The following SRGN variants were observed in gnomAD, a reference collection of about 807,000 sequenced individuals.
SRGN encodes serglycin, also known as hematopoetic proteoglycan core peptide.
A neutral mutation model predicts 9.5 loss-of-function variants in SRGN; 2 were observed. The observed-to-expected ratio is 0.21, with a 90% CI of 0.09 to 0.66. The LOEUF is 0.66. Ranked by LOEUF, SRGN falls within the 30% of genes least tolerant of loss-of-function variation. The pLI is 0.83. For missense variants in SRGN, 170 were observed against 192.4 expected (o/e 0.88, Z 0.69); for synonymous variants, 59 against 72.3 (o/e 0.82, Z 0.93).
intron 2 of SRGN, among the ~76,000 whole-genome samples, chr10:69,102,050 A>C (rs1027906349): frequency 6.8e-6 from 1 of 146,796 alleles, no homozygotes; most frequent in Non-Finnish European, 1.5e-5. Context: ...CCCTTTCTGT[A>C]AAAAAAAAAA....
At chr10:69,097,649 G>C (rs1051282428) in intron 2 of SRGN, among the ~76,000 whole-genome samples, 5 of 151,896 alleles carry the variant, frequency 3.3e-5, no homozygotes, top group South Asian at 2.1e-4. Context: ...GGATGGTCTC[G>C]ATCTCCTGAC....
At chr10:69,089,722 C>G (rs1010797999) in intron 1 of SRGN, among the ~76,000 whole-genome samples, 1 of 151,694 alleles carries the variant, frequency 6.6e-6, no homozygotes, top group Admixed American at 6.6e-5. Context: ...AGTGAAATCC[C>G]GTCTCTACCA....
Position 69,104,132 on chromosome 10 carries a change from C to G in SRGN, c.*12C>G, listed in dbSNP as rs1233560129. On this transcript the variant is annotated 3_prime_UTR_variant, in exon 3 of 3. Transcript: ENST00000242465. ...ATTTTATGTTATAAAAGAGGATTTT[C>G]CCACCTTGACACCAGGCAATGTAGT... The G allele has an allele frequency of 6.2e-7, 1 of 1,609,856 alleles. No homozygotes were observed. Among genetic ancestry groups the G allele is most frequent in the Admixed American group, 1.7e-5 (1 of 59,876 alleles).
At chr10:69,091,602 G>A (rs1470891225) in intron 1 of SRGN, among the ~76,000 whole-genome samples, 3 of 152,032 alleles carry the variant, frequency 2.0e-5, no homozygotes, top group South Asian at 2.1e-4. Flanking sequence ...AATTAGGCTC[G>A]GTACAGTGGC....
chr10:69,102,586 A>G (rs894136716), intron 2 of SRGN, among the ~76,000 whole-genome samples: 1 of 152,156 alleles, frequency 6.6e-6, no homozygotes, highest in Non-Finnish European at 1.5e-5. Context: ...GTAGGCTGTG[A>G]CACTCAGCTT....
At chr10:69,092,460 G>A (rs1023111598) in intron 1 of SRGN, among the ~76,000 whole-genome samples, 2 of 152,110 alleles carry the variant, frequency 1.3e-5, no homozygotes, top group African/African-American at 2.4e-5. Flanking sequence ...TGTTGAGATA[G>A]TGTTCACATA....
At chr10:69,101,335 C>T (rs1176207252) in intron 2 of SRGN, among the ~76,000 whole-genome samples, 8 of 152,162 alleles carry the variant, frequency 5.3e-5, no homozygotes, top group South Asian at 2.1e-4. Flanking sequence ...TTCACTTCTC[C>T]TCCATCACCT....
At chr10:69,099,179 G>T (rs1017335443) in intron 2 of SRGN, among the ~76,000 whole-genome samples, 3 of 151,988 alleles carry the variant, frequency 2.0e-5, no homozygotes, top group African/African-American at 7.3e-5. Context: ...TTAAGAAAAG[G>T]ATTATCATAA....
intron 1 of SRGN, among the ~76,000 whole-genome samples, chr10:69,088,556 G>C (rs182583298): frequency 6.6e-6 from 1 of 152,304 alleles, no homozygotes. Context: ...CTGTTGCATG[G>C]AGGAGATGGC....
intron 1 of SRGN, among the ~76,000 whole-genome samples, chr10:69,091,879 CAA>C (rs1177012248): frequency 0.018 from 578 of 31,664 alleles, 1 homozygote; most frequent in Non-Finnish European, 0.018. Flanking sequence ...GACTCTGTCT[CAA>C]AAAAAAAAAA....
At chr10:69,092,419 T>C (rs898553607) in intron 1 of SRGN, among the ~76,000 whole-genome samples, 3 of 152,182 alleles carry the variant, frequency 2.0e-5, no homozygotes, top group Non-Finnish European at 2.9e-5. Context: ...CCTTCTACTT[T>C]TGATTTCTTT....
chr10:69,103,702 G>GT (rs1403064023), intron 2 of SRGN, among the ~76,000 whole-genome samples, 169 bp from the exon 3 acceptor site: 1 of 152,062 alleles, frequency 6.6e-6, no homozygotes, highest in Non-Finnish European at 1.5e-5. Flanking sequence ...CATTTGACCT[G>GT]TTTTTTTGTT....
At chr10:69,103,039 A>C (rs1840322937) in intron 2 of SRGN, among the ~76,000 whole-genome samples, 1 of 151,966 alleles carries the variant, frequency 6.6e-6, no homozygotes, top group South Asian at 2.1e-4. Flanking sequence ...TCCTGGGTTC[A>C]AGCGATTCTC....
intron 2 of SRGN, among the ~76,000 whole-genome samples, chr10:69,097,571 C>T (rs968449942): frequency 1.3e-5 from 2 of 152,166 alleles, no homozygotes; most frequent in South Asian, 2.1e-4. Flanking sequence ...GGACTACAGG[C>T]ACCCGCCACC....
chr10:69,102,758 A>AT (rs1462251081), intron 2 of SRGN, among the ~76,000 whole-genome samples: 1 of 152,204 alleles, frequency 6.6e-6, no homozygotes, highest in Admixed American at 6.5e-5. Flanking sequence ...AGGCAGGGTC[A>AT]TTTTTTGATA....
chr10:69,104,257 C>T lies in SRGN; in HGVS notation c.*137C>T. On this transcript the variant is annotated 3_prime_UTR_variant, in exon 3 of 3. Transcript: ENST00000242465. ...AAAAAGAAGCTTAAGTTTTATCATC[C>T]TTTTTTTTCTCATGAATTCTTAAAG... 1 of 1,176,354 alleles carries T rather than the reference C, an allele frequency of 8.5e-7. No individual in the cohort carries two copies. Among genetic ancestry groups the T allele is most frequent in the Non-Finnish European group, 1.2e-6 (1 of 852,774 alleles). 72.9% of individuals were successfully genotyped at this position (1,176,354 alleles called of 1,614,324 possible).
At chr10:69,089,285 C>T (rs1006171383) in intron 1 of SRGN, among the ~76,000 whole-genome samples, 2 of 152,088 alleles carry the variant, frequency 1.3e-5, no homozygotes, top group Non-Finnish European at 2.9e-5. Flanking sequence ...GTTTCTGGAA[C>T]GTTATTAATT....
chr10:69,096,717 T>C (rs75467312), intron 1 of SRGN, among the ~76,000 whole-genome samples: 7,101 of 152,266 alleles, frequency 0.047, 508 homozygotes, highest in East Asian at 0.3. Context: ...TGCTCATTCC[T>C]GTAATCTCAG....
At chr10:69,103,812 T>C (rs1318824965) in intron 2 of SRGN, 59 bp from the exon 3 acceptor site, 1 of 1,561,660 alleles carries the variant, frequency 6.4e-7, no homozygotes, top group Non-Finnish European at 8.7e-7. Context: ...CTATTATAAT[T>C]ATCTTTCCCA....
Sources: allele counts gnomAD v4.1 joint callset (sites outside exome capture counted in the v4.1 genomes callset), GRCh38; gene constraint gnomAD v4.1.1; transcripts MANE v1.5; gene names NCBI Gene and HGNC (gene_info 2026-07-23, HGNC 2026-07-21).